Variants in FAM13B observed in about 807,000 individuals in gnomAD.
FAM13B encodes the protein protein FAM13B.
FAM13B carries 60 observed loss-of-function variants against 117.3 expected under a neutral mutation model. The ratio of observed to expected loss-of-function variants is 0.51; its 90% confidence interval spans 0.42 to 0.63. The LOEUF (loss-of-function observed/expected upper bound fraction) is 0.63, where lower values mean the gene tolerates loss of function less well. Among genes scored for constraint, FAM13B ranks in the 30% least tolerant of loss-of-function variants. The pLI is 0.00. For missense variants in FAM13B, 972 were observed against 1,091.9 expected (o/e 0.89, Z 1.55); for synonymous variants, 332 against 356.1 (o/e 0.93, Z 0.76).
chr5:138,013,037 T>C (rs1452660996), intron 4 of FAM13B, among the ~76,000 whole-genome samples: 4 of 150,856 alleles, frequency 2.7e-5, no homozygotes, highest in East Asian at 3.9e-4. Flanking sequence ...AACCCCGTTC[T>C]ACCAAAAATA....
At chr5:138,023,148 C>T (rs965382240) in intron 1 of FAM13B, among the ~76,000 whole-genome samples, 2 of 152,136 alleles carry the variant, frequency 1.3e-5, no homozygotes, top group Non-Finnish European at 2.9e-5. Flanking sequence ...TACCTGCAAC[C>T]TCTAACTAGA....
intron 1 of FAM13B, among the ~76,000 whole-genome samples, chr5:138,028,039 A>T (rs535120516): frequency 1.7e-4 from 26 of 152,336 alleles, no homozygotes; most frequent in African/African-American, 6.3e-4. Context: ...GTGAGAATGG[A>T]CTAACACAAT....
rs751516559 is a variant in FAM13B at position 137,959,568 on chromosome 5, G to A, written c.1441+48C>T. On this transcript the variant is annotated intron_variant, in intron 13 of 23. Coordinates refer to ENST00000689681, the MANE Select transcript of FAM13B (RefSeq NM_001385994.1). ...TCTTATCATTGCTTAGGGTAATTTCGGTTACAAGTAACATTATCAGGAAAA... is the reference window on the plus strand; with the variant it reads ...TCTTATCATTGCTTAGGGTAATTTCAGTTACAAGTAACATTATCAGGAAAA... 2.8e-5 allele frequency: 44 copies of A among 1,598,260 alleles called. No homozygotes were observed. The Middle Eastern group carries it at 5.0e-4, about 18-fold the overall frequency.
chr5:138,009,987 T>C (rs1783570688), intron 6 of FAM13B, among the ~76,000 whole-genome samples: 1 of 152,010 alleles, frequency 6.6e-6, no homozygotes. Flanking sequence ...ACATTTTTGT[T>C]TGTTTGTTTT....
intron 1 of FAM13B, among the ~76,000 whole-genome samples, chr5:138,025,973 TTAAC>T (rs1268895996): frequency 1.1e-4 from 16 of 152,306 alleles, no homozygotes; most frequent in African/African-American, 2.4e-4. Flanking sequence ...TCTTTACACT[TTAAC>T]TATCTACTAA....
chr5:138,042,708 G>A (rs1217612325), intron 1 of FAM13B, among the ~76,000 whole-genome samples: 1 of 151,132 alleles, frequency 6.6e-6, no homozygotes, highest in Non-Finnish European at 1.5e-5. Flanking sequence ...TTCTGGGAAC[G>A]AGGGGCAAGA....
intron 14 of FAM13B, among the ~76,000 whole-genome samples, chr5:137,955,538 C>A (rs1021933819): frequency 1.3e-5 from 2 of 152,152 alleles, no homozygotes; most frequent in Non-Finnish European, 2.9e-5. Context: ...AGAACACATA[C>A]AGATCATACA....
chr5:137,981,805 C>A (rs917581028), intron 10 of FAM13B, among the ~76,000 whole-genome samples: 3 of 149,412 alleles, frequency 2.0e-5, no homozygotes, highest in Non-Finnish European at 3.0e-5. Flanking sequence ...AAAAAAAGTG[C>A]GGCGGAATGC....
chr5:137,971,106 C>A (rs1209372865), intron 10 of FAM13B, among the ~76,000 whole-genome samples: 2 of 151,478 alleles, frequency 1.3e-5, no homozygotes, highest in Admixed American at 1.3e-4. Flanking sequence ...CTGCACCAAG[C>A]GGACCTTATA....
At chr5:138,017,047 G>A (rs536811096) in intron 4 of FAM13B, among the ~76,000 whole-genome samples, 1 of 152,262 alleles carries the variant, frequency 6.6e-6, no homozygotes, top group Non-Finnish European at 1.5e-5. Flanking sequence ...TTTGGGGGGA[G>A]AAAAATTAAA....
At chr5:137,972,683 G>A (rs1251892405) in intron 10 of FAM13B, among the ~76,000 whole-genome samples, 1 of 151,916 alleles carries the variant, frequency 6.6e-6, no homozygotes, top group Non-Finnish European at 1.5e-5. Context: ...CCGGTTTGCA[G>A]ACGACATGAT....
At chr5:138,007,451 T>C (rs2150848305) in intron 6 of FAM13B, among the ~76,000 whole-genome samples, 1 of 152,332 alleles carries the variant, frequency 6.6e-6, no homozygotes, top group African/African-American at 2.4e-5. Flanking sequence ...TAGTTAACAT[T>C]AAGAAAACTT....
At chr5:138,003,255 T>C (rs1349321069) in intron 7 of FAM13B, among the ~76,000 whole-genome samples, 6 of 152,112 alleles carry the variant, frequency 3.9e-5, no homozygotes, top group South Asian at 2.1e-4. Flanking sequence ...TAGAAGGTAC[T>C]ACACACCGTG....
chr5:137,960,191 C>T lies in FAM13B; in HGVS notation c.1268G>A (p.Ser423Asn). The T allele has an allele frequency of 6.5e-7, 1 of 1,532,062 alleles. No individual in the cohort carries two copies. Among genetic ancestry groups the T allele is most frequent in the Non-Finnish European group, 8.9e-7 (1 of 1,119,792 alleles). 94.9% of individuals were successfully genotyped at this position (1,532,062 alleles called of 1,614,324 possible). A position where few individuals can be genotyped will look rare whatever the true frequency, so the allele number is the denominator to read the frequency against. ...LEREEYLLFD[S>N]DKLSHLILDS... ...CAGAATCAAGTGTGACAATTTATCA[C>T]TGTCAAATAACAAATATTCTTCCCT... The change falls in exon 12 of 24, where the codon AGT (serine) becomes AAT (asparagine). Residue 423 changes from serine (S) to asparagine (N), a missense_variant. By Grantham distance (46) the Ser-to-Asn change is conservative (BLOSUM62 1). Coordinates refer to ENST00000689681, the MANE Select transcript of FAM13B (RefSeq NM_001385994.1).
At chr5:138,047,135 G>T (rs978981988) in intron 1 of FAM13B, among the ~76,000 whole-genome samples, 2 of 152,134 alleles carry the variant, frequency 1.3e-5, no homozygotes, top group African/African-American at 4.8e-5. Context: ...ATCATTTTTA[G>T]TTGGGGGGCA....
chr5:138,049,016 A>ACCT (rs1791721416), intron 1 of FAM13B, among the ~76,000 whole-genome samples: 1 of 143,430 alleles, frequency 7.0e-6, no homozygotes, highest in African/African-American at 2.6e-5. Context: ...ATCTTGGCTC[A>ACCT]CTGCAACCTC....
chr5:138,021,333 G>C, intron 1 of FAM13B, 136 bp from the exon 2 acceptor site: 2 of 669,494 alleles, frequency 3.0e-6, no homozygotes, highest in Non-Finnish European at 4.2e-6. Flanking sequence ...AAATCTATCT[G>C]TAACCTAAAG....
At chr5:137,986,985 C>G (rs1777395834) in intron 9 of FAM13B, among the ~76,000 whole-genome samples, 1 of 152,070 alleles carries the variant, frequency 6.6e-6, no homozygotes, top group South Asian at 2.1e-4. Flanking sequence ...GTTAATCTAA[C>G]AAAAACATAA....
intron 1 of FAM13B, among the ~76,000 whole-genome samples, chr5:138,040,262 CAAAAAAAAAAAA>C (rs3032825): frequency 7.9e-5 from 2 of 25,226 alleles, no homozygotes; most frequent in Non-Finnish European, 1.4e-4. Flanking sequence ...GACTCTGTCT[CAAAAAAAAAAAA>C]AAAAAAAAAA....
Sources: allele counts gnomAD v4.1 joint callset (sites outside exome capture counted in the v4.1 genomes callset), GRCh38; gene constraint gnomAD v4.1.1; transcripts MANE v1.5; gene names NCBI Gene and HGNC (gene_info 2026-07-23, HGNC 2026-07-21).